The following AMPH variants were observed in gnomAD, a reference collection of about 807,000 sequenced individuals.
AMPH encodes amphiphysin (Stiff-Mann syndrome with breast cancer 128kD autoantigen).
AMPH carries 49 observed loss-of-function variants against 99.1 expected under a neutral mutation model. The observed-to-expected ratio is 0.49, with a 90% CI of 0.39 to 0.63. The LOEUF (loss-of-function observed/expected upper bound fraction) is 0.63. Among genes scored for constraint, AMPH ranks in the 20% least tolerant of loss-of-function variants. The pLI is 0.00. For synonymous variants in AMPH, 314 were observed against 317.3 expected (o/e 0.99, Z 0.11); for missense variants, 759 against 863.4 (o/e 0.88, Z 1.52).
intron 17 of AMPH, among the ~76,000 whole-genome samples, chr7:38,399,557 A>G (rs1009723759): frequency 3.9e-5 from 6 of 152,220 alleles, no homozygotes; most frequent in African/African-American, 9.7e-5. Context: ...TCTTATTATT[A>G]TTGTTGTTGT....
chr7:38,630,960 C>A (rs1321345246), intron 1 of AMPH, among the ~76,000 whole-genome samples: 2 of 152,132 alleles, frequency 1.3e-5, no homozygotes, highest in Admixed American at 6.5e-5. Flanking sequence ...AGCTGCCGCA[C>A]CTCCTACTTC....
chr7:38,456,828 C>T lies in AMPH; in HGVS notation c.1017+4455G>A, dbSNP rs141055131. Among the ~76,000 whole-genome samples, 734 of 152,272 alleles carry T rather than the reference C, an allele frequency of 4.8e-3. 8 individuals are homozygous for T. Among genetic ancestry groups the T allele is most frequent in the African/African-American group, 0.017 (703 of 41,548 alleles). On this transcript the variant is annotated intron_variant, in intron 11 of 20. Transcript: ENST00000356264. ...TCACTAACACTGGAGCTAGTGTAAC[C>T]CACATTGGAGCCAAGCACAAGCAAT...
At chr7:38,409,913 A>G (rs370477724) in intron 17 of AMPH, among the ~76,000 whole-genome samples, 6 of 152,374 alleles carry the variant, frequency 3.9e-5, no homozygotes, top group African/African-American at 1.2e-4. Context: ...TCCGCAACGC[A>G]TAGGGGAGAA....
chr7:38,519,982 T>C (rs1034561634), intron 2 of AMPH, among the ~76,000 whole-genome samples: 1 of 152,162 alleles, frequency 6.6e-6, no homozygotes, highest in South Asian at 2.1e-4. Context: ...ACCCTCTGAA[T>C]CTAAGAAGTT....
intron 1 of AMPH, among the ~76,000 whole-genome samples, chr7:38,550,287 T>C (rs1256213210): frequency 6.6e-6 from 1 of 152,208 alleles, no homozygotes; most frequent in Non-Finnish European, 1.5e-5. Context: ...TATTGCACAG[T>C]ACAATCCACA....
chr7:38,512,143 T>C (rs1047080440), intron 2 of AMPH, among the ~76,000 whole-genome samples: 1 of 152,228 alleles, frequency 6.6e-6, no homozygotes, highest in African/African-American at 2.4e-5. Flanking sequence ...CTTAAAAATA[T>C]GTCTGGTTCC....
chr7:38,605,842 C>T (rs1326510885), intron 1 of AMPH, among the ~76,000 whole-genome samples: 2 of 152,126 alleles, frequency 1.3e-5, no homozygotes, highest in East Asian at 3.9e-4. Flanking sequence ...TCCCAAAGTG[C>T]TGGCATTACA....
chr7:38,451,379 C>T (rs1439949827), intron 11 of AMPH, among the ~76,000 whole-genome samples: 3 of 149,972 alleles, frequency 2.0e-5, no homozygotes, highest in Admixed American at 1.3e-4. Flanking sequence ...TGTGTATATA[C>T]ACATGTATAT....
intron 1 of AMPH, among the ~76,000 whole-genome samples, chr7:38,592,546 T>C (rs1048506540): frequency 6.6e-6 from 1 of 151,910 alleles, no homozygotes; most frequent in Non-Finnish European, 1.5e-5. Flanking sequence ...GCCTGACCAA[T>C]ATGGTGAAAC....
chr7:38,435,975 T>G (rs1372902766), intron 12 of AMPH, among the ~76,000 whole-genome samples: 5 of 152,196 alleles, frequency 3.3e-5, no homozygotes, highest in Non-Finnish European at 7.3e-5. Context: ...AAATGTATCC[T>G]GTAAACCTGA....
chr7:38,494,324 A>T, intron 4 of AMPH, 109 bp downstream of exon 4: 1 of 919,218 alleles, frequency 1.1e-6, no homozygotes, highest in Non-Finnish European at 1.8e-6. Flanking sequence ...CCTTCTGAGC[A>T]CACTGTCTTG....
chr7:38,595,451 A>G (rs541690061), intron 1 of AMPH, among the ~76,000 whole-genome samples: 89 of 152,350 alleles, frequency 5.8e-4, no homozygotes, highest in African/African-American at 2.1e-3. Context: ...AAAGGGTATC[A>G]CAATGGCCAG....
At chr7:38,403,724 G>A (rs1038502076) in intron 17 of AMPH, among the ~76,000 whole-genome samples, 1 of 152,244 alleles carries the variant, frequency 6.6e-6, no homozygotes, top group African/African-American at 2.4e-5. Context: ...ATGCAGGCAT[G>A]GTGCTGATTT....
chr7:38,446,679 G>A (rs890987624), intron 11 of AMPH, among the ~76,000 whole-genome samples: 39 of 152,294 alleles, frequency 2.6e-4, no homozygotes, highest in Non-Finnish European at 4.7e-4. Context: ...TTCTTGGGGT[G>A]ACATATATTC....
intron 18 of AMPH, 39 bp downstream of exon 18, chr7:38,393,966 T>C: frequency 3.1e-6 from 5 of 1,605,014 alleles, no homozygotes; most frequent in East Asian, 2.2e-5. Flanking sequence ...CCCATGCTAC[T>C]TCCCAGGAGC....
At chr7:38,436,873 A>G (rs900288427) in intron 11 of AMPH, among the ~76,000 whole-genome samples, 7 of 152,136 alleles carry the variant, frequency 4.6e-5, no homozygotes, top group Admixed American at 6.5e-5. Context: ...CCACATCCCA[A>G]CGGCCTCATT....
chr7:38,419,503 G>A (rs908818815), intron 16 of AMPH, among the ~76,000 whole-genome samples: 10 of 152,254 alleles, frequency 6.6e-5, no homozygotes, highest in Middle Eastern at 3.4e-3. Context: ...GGAAGAATGA[G>A]ATAAAATTCA....
intron 3 of AMPH, among the ~76,000 whole-genome samples, chr7:38,495,269 A>C (rs1372531565): frequency 3.3e-5 from 5 of 152,228 alleles, no homozygotes; most frequent in Admixed American, 3.3e-4. Context: ...ACTTCTAACT[A>C]AATGTCAAAA....
chr7:38,561,358 T>G (rs1448584574), intron 1 of AMPH, among the ~76,000 whole-genome samples: 1 of 152,210 alleles, frequency 6.6e-6, no homozygotes, highest in Non-Finnish European at 1.5e-5. Context: ...TGTCTTATCC[T>G]CCAGAAAGTG....
Sources: gnomAD v4.1 joint callset for allele counts (sites outside exome capture counted in the v4.1 genomes callset) on GRCh38, gnomAD v4.1.1 for gene constraint, MANE v1.5 for transcripts, NCBI Gene and HGNC (gene_info 2026-07-23, HGNC 2026-07-21) for gene names.